CENPX: variants seen among roughly 807,000 people sequenced by gnomAD.
The protein encoded by CENPX is FANCM associated histone fold protein 2.
Under a neutral mutation model 13.2 loss-of-function variants are expected in CENPX, and 13 were observed. That is an observed-to-expected ratio of 0.98 (90% confidence interval 0.64 to 1.56). The LOEUF is 1.56. CENPX is among the 40% of genes most tolerant of loss of function. The pLI is 0.00. For missense variants in CENPX, 138 were observed against 107.5 expected (o/e 1.28, Z -1.26); for synonymous variants, 66 against 47.2 (o/e 1.40, Z -1.63).
intron 1 of CENPX, among the ~76,000 whole-genome samples, chr17:82,020,432 C>T (rs866165478): frequency 5.3e-5 from 8 of 152,320 alleles, no homozygotes; most frequent in South Asian, 2.1e-4. Flanking sequence ...CAGCTCCGCC[C>T]GTCTTGCCCT....
intron 3 of CENPX, 89 bp from the exon 4 acceptor site, chr17:82,019,470 C>T (rs981119394): frequency 4.6e-6 from 7 of 1,510,304 alleles, no homozygotes; most frequent in African/African-American, 2.8e-5. Context: ...GGTGCCCCCC[C>T]CAACACCCAC....
At chr17:82,022,355 G>A (rs1456954698) in intron 1 of CENPX, among the ~76,000 whole-genome samples, 2 of 152,102 alleles carry the variant, frequency 1.3e-5, no homozygotes, top group Non-Finnish European at 2.9e-5. Context: ...CGCGTTCCTA[G>A]CCCAGTGCTG....
rs769897385 is a variant in CENPX at position 82,019,226 on chromosome 17, G to A, written c.232-7C>T. On this transcript the variant is annotated splice_region_variant and splice_polypyrimidine_tract_variant and intron_variant, in intron 4 of 4. Transcript: ENST00000392359. ...ATCCCTAGAAGTCCAGGAGCTGTGG[G>A]GAAGAGAAGCACTTAGGGCCAGCCA... The A allele has an allele frequency of 1.3e-6, 2 of 1,590,194 alleles. No individual in the cohort carries two copies. The highest frequency in any genetic ancestry group is 1.7e-6 in the Non-Finnish European group (2 of 1,163,860).
intron 1 of CENPX, among the ~76,000 whole-genome samples, chr17:82,022,129 TG>T (rs958342638): frequency 4.6e-5 from 7 of 152,164 alleles, no homozygotes; most frequent in Non-Finnish European, 7.4e-5. Context: ...CCTGCACCGA[TG>T]GGGTCCTCTG....
At position 82,019,653 on chromosome 17, in the gene CENPX, C is replaced by A. The variant is rs913474574; in HGVS notation, c.130G>T (p.Val44Phe). 6.5e-7 allele frequency: 1 copy of A among 1,550,354 alleles called. No homozygotes were observed. ...ALQLMVELLK[V>F]FVVEAAVRGV... Reference sequence around the variant, plus strand: ...GCCCTGGGCTCACCCACAACGAAGACCTTCAGCAACTCCACCATGAGCTGC... The same window carrying A: ...GCCCTGGGCTCACCCACAACGAAGAACTTCAGCAACTCCACCATGAGCTGC... The change falls in exon 3 of 5, where the codon GTC becomes TTC. Residue 44 changes from valine to phenylalanine, a missense_variant. Physicochemically the swap from Val to Phe is conservative, Grantham distance 50. Coordinates refer to ENST00000392359, the MANE Select transcript of CENPX (RefSeq NM_001271006.2).
intron 1 of CENPX, among the ~76,000 whole-genome samples, chr17:82,020,385 G>A (rs961073973): frequency 1.8e-4 from 28 of 152,220 alleles, no homozygotes; most frequent in African/African-American, 6.0e-4. Flanking sequence ...CCACCAGTAG[G>A]GCCTTCCTTG....
intron 1 of CENPX, among the ~76,000 whole-genome samples, chr17:82,022,150 C>G (rs2043297834): frequency 6.6e-6 from 1 of 152,182 alleles, no homozygotes; most frequent in Admixed American, 6.5e-5. Context: ...GCACATGGCA[C>G]CCCCAGAGAG....
intron 2 of CENPX, 23 bp downstream of exon 2, chr17:82,019,835 C>G: frequency 2.4e-6 from 3 of 1,244,050 alleles, no homozygotes; most frequent in Non-Finnish European, 3.5e-6. Context: ...GGACCCACCT[C>G]CCGCCCGCAC....
chr17:82,022,802 T>C, intron 1 of CENPX, 24 bp downstream of exon 1: 4 of 1,574,354 alleles, frequency 2.5e-6, no homozygotes, highest in Non-Finnish European at 3.4e-6. Flanking sequence ...CGCGCCTGCC[T>C]AGCCCCTGCC....
chr17:82,019,455 G>C, intron 3 of CENPX, 74 bp from the exon 4 acceptor site: 1 of 1,513,740 alleles, frequency 6.6e-7, no homozygotes, highest in Non-Finnish European at 8.9e-7. Context: ...GCCTCAGCCT[G>C]GGCCGGTGCC....
intron 1 of CENPX, among the ~76,000 whole-genome samples, chr17:82,021,361 A>G (rs1476808127): frequency 6.6e-6 from 1 of 152,196 alleles, no homozygotes; most frequent in African/African-American, 2.4e-5. Flanking sequence ...CCAGAAAGGC[A>G]CCAGAAAAGG....
At chr17:82,021,921 TAAA>T (rs1316087308) in intron 1 of CENPX, among the ~76,000 whole-genome samples, 1 of 152,028 alleles carries the variant, frequency 6.6e-6, no homozygotes, top group East Asian at 1.9e-4. Flanking sequence ...CCTTGGGTGA[TAAA>T]GAAGGGCCTG....
intron 3 of CENPX, 30 bp downstream of exon 3, chr17:82,019,611 G>T (rs1232955784): frequency 6.5e-7 from 1 of 1,550,238 alleles, no homozygotes; most frequent in South Asian, 1.2e-5. Context: ...CGGATGCTGT[G>T]CCCGGAGGGA....
In CENPX at chr17:82,019,163, C is replaced by A; in HGVS notation, c.*42G>T. 6.6e-7 allele frequency: 1 copy of A among 1,520,948 alleles called. No homozygotes were observed. Among genetic ancestry groups the A allele is most frequent in the Non-Finnish European group, 8.8e-7 (1 of 1,133,020 alleles). 94.2% of individuals were successfully genotyped at this position (1,520,948 alleles called of 1,614,324 possible). A position where few individuals can be genotyped will look rare whatever the true frequency, so the allele number is the denominator to read the frequency against. On this transcript the variant is annotated 3_prime_UTR_variant, in exon 5 of 5. Coordinates refer to ENST00000392359, the MANE Select transcript of CENPX (RefSeq NM_001271006.2). ...AAACACAAGGCCTGCTTCTGTGGAC[C>A]AGGGGCTCCTCTGGGGGTGGCCTCA...
Position 82,022,865 on chromosome 17 carries a change from C to G in CENPX, c.-4G>C. ...ATCCAGCTCCTGCTCCCTCCATGAC[C>G]GCAGCCTCAACGCGCGCCCACCGGA... On this transcript the variant is annotated 5_prime_UTR_variant, in exon 1 of 5. Coordinates refer to ENST00000392359, the MANE Select transcript of CENPX (RefSeq NM_001271006.2). The G allele has an allele frequency of 2.5e-6, 4 of 1,591,744 alleles. No individual in the cohort carries two copies. Among genetic ancestry groups the G allele is most frequent in the Non-Finnish European group, 3.4e-6 (4 of 1,172,170 alleles).
chr17:82,021,884 G>A (rs1568010070), intron 1 of CENPX, among the ~76,000 whole-genome samples: 3 of 152,036 alleles, frequency 2.0e-5, no homozygotes, highest in Non-Finnish European at 2.9e-5. Context: ...TCCCCACACC[G>A]ACACCCCCCG....
At position 82,019,646 on chromosome 17, in the gene CENPX, A is replaced by T. The variant is rs773839936; in HGVS notation, c.137T>A (p.Val46Asp). Residue 46 changes from valine (V) to aspartate (D), a missense_variant, in exon 3 of 5, where the codon GTT becomes GAT. Physicochemically the swap from Val to Asp is radical, Grantham distance 152 (BLOSUM62 -3). Transcript: ENST00000392359. Reference protein sequence around the residue: ...QLMVELLKVFVVEAAVRGVRQ... With the variant: ...QLMVELLKVFDVEAAVRGVRQ... ...AGCGTGGGCCCTGGGCTCACCCACA[A>T]CGAAGACCTTCAGCAACTCCACCAT... 6.5e-7 allele frequency: 1 copy of T among 1,550,148 alleles called. No individual in the cohort carries two copies. The highest frequency in any genetic ancestry group is 8.7e-7 in the Non-Finnish European group (1 of 1,146,950).
chr17:82,022,855 C>T lies in CENPX; in HGVS notation c.7G>A (p.Gly3Arg), dbSNP rs754737941. The T allele has an allele frequency of 1.1e-5, 17 of 1,592,956 alleles. 1 individual carries two copies. The highest frequency in any genetic ancestry group is 1.4e-5 in the Non-Finnish European group (17 of 1,172,674). ME[G>R]AGAGSGFRKE... ...CGGAAGCCGGATCCAGCTCCTGCTC[C>T]CTCCATGACCGCAGCCTCAACGCGC... Residue 3 changes from glycine to arginine, a missense_variant, in exon 1 of 5, where the codon GGA (glycine) becomes AGA (arginine). Gly to Arg is a moderately radical substitution (Grantham distance 125, BLOSUM62 -2). Coordinates refer to ENST00000392359, the MANE Select transcript of CENPX (RefSeq NM_001271006.2).
chr17:82,021,912 C>T (rs978757410), intron 1 of CENPX, among the ~76,000 whole-genome samples: 1 of 152,198 alleles, frequency 6.6e-6, no homozygotes, highest in Non-Finnish European at 1.5e-5. Flanking sequence ...CGCCTGCTGC[C>T]TTGGGTGATA....
Sources: gnomAD v4.1 joint callset for allele counts (sites outside exome capture counted in the v4.1 genomes callset) on GRCh38, gnomAD v4.1.1 for gene constraint, MANE v1.5 for transcripts, NCBI Gene and HGNC (gene_info 2026-07-23, HGNC 2026-07-21) for gene names.